Variants in C4orf54 observed in about 807,000 individuals in gnomAD.
C4orf54 encodes uncharacterized protein C4orf54.
A neutral mutation model predicts 80.1 loss-of-function variants in C4orf54; 67 were observed. The observed-to-expected ratio is 0.84, with a 90% CI of 0.69 to 1.03. The LOEUF is 1.03. Among genes scored for constraint, C4orf54 ranks in the 50% least tolerant of loss-of-function variants. The pLI, the probability that C4orf54 is intolerant of heterozygous loss-of-function variation, is 0.00. For missense variants in C4orf54, 2,434 were observed against 2,253.5 expected, an observed-to-expected ratio of 1.08 and a Z score of -1.62; for synonymous variants, 1,000 against 917.0, an observed-to-expected ratio of 1.09 and a Z score of -1.64.
intron 1 of C4orf54, among the ~76,000 whole-genome samples, 159 bp downstream of exon 1, chr4:99,657,336 G>A (rs1322761552): frequency 6.6e-6 from 1 of 152,212 alleles, no homozygotes; most frequent in Non-Finnish European, 1.5e-5. Context: ...CTACAAAATT[G>A]GAAGGTCATA....
chr4:99,642,942 C>T (rs761310368), intron 2 of C4orf54, among the ~76,000 whole-genome samples: 2 of 152,190 alleles, frequency 1.3e-5, no homozygotes, highest in African/African-American at 2.4e-5. Context: ...ACTAGAGTAC[C>T]CTGACACACA....
At chr4:99,647,770 T>A (rs927813074) in intron 2 of C4orf54, among the ~76,000 whole-genome samples, 2 of 152,222 alleles carry the variant, frequency 1.3e-5, no homozygotes, top group Non-Finnish European at 1.5e-5. Flanking sequence ...TGTTATATCA[T>A]CTGATATTTA....
intron 2 of C4orf54, among the ~76,000 whole-genome samples, chr4:99,646,037 T>A (rs80117413): frequency 6.2e-4 from 95 of 152,246 alleles, no homozygotes; most frequent in African/African-American, 2.2e-3. Context: ...ATTTTTTTTT[T>A]AATAAAGGAA....
At chr4:99,646,561 G>C (rs1325567162) in intron 2 of C4orf54, among the ~76,000 whole-genome samples, 1 of 152,116 alleles carries the variant, frequency 6.6e-6, no homozygotes, top group Non-Finnish European at 1.5e-5. Flanking sequence ...GGTCTGCAGG[G>C]AGCAAGGTGT....
Position 99,657,720 on chromosome 4 carries a change from T to A in C4orf54, c.-257A>T, listed in dbSNP as rs1332007169. ...AATAGAAAAACGATAAAGGCTAAAGTAAAACAATTAAGAACCCCAAACTGC... is the reference window on the plus strand; with the variant it reads ...AATAGAAAAACGATAAAGGCTAAAGAAAAACAATTAAGAACCCCAAACTGC... On this transcript the variant is annotated 5_prime_UTR_variant, in exon 1 of 3. Transcript: ENST00000511828. Among the ~76,000 whole-genome samples the A allele has an allele frequency of 2.0e-5, 3 of 152,140 alleles. No homozygotes were observed. In the East Asian group the frequency reaches 5.8e-4, roughly 29 times the overall value.
chr4:99,653,067 G>T lies in C4orf54; in HGVS notation c.1582C>A (p.Arg528=). 2 of 1,536,212 alleles carry T rather than the reference G, an allele frequency of 1.3e-6. No individual in the cohort carries two copies. The highest frequency in any genetic ancestry group is 1.7e-6 in the Non-Finnish European group (2 of 1,146,918). Residue 528 remains arginine (R), a synonymous_variant, in exon 2 of 3, where the codon CGG becomes AGG. Coordinates refer to ENST00000511828, the MANE Select transcript of C4orf54 (RefSeq NM_001354435.2). ...ACGTTGCTAGGCTCATTTATAGCCCGGGAAGCCGGTTTGATTGATAGGAGG... is the reference window on the plus strand; with the variant it reads ...ACGTTGCTAGGCTCATTTATAGCCCTGGAAGCCGGTTTGATTGATAGGAGG... The part of the protein sequence containing the change: ...QILLSIKPAS[R]AINEPSNVRA...
In C4orf54 at chr4:99,651,410, T is replaced by C; in HGVS notation, c.3239A>G (p.Asn1080Ser). 1 of 1,536,308 alleles carries C rather than the reference T, an allele frequency of 6.5e-7. No individual in the cohort carries two copies. The highest frequency in any genetic ancestry group is 8.7e-7 in the Non-Finnish European group (1 of 1,146,928). ...CTGGAAATGGGGCACTTTTTCTAGGTTGTCCCCGCGGAAGAGTTTCTGCTG... is the reference window on the plus strand; with the variant it reads ...CTGGAAATGGGGCACTTTTTCTAGGCTGTCCCCGCGGAAGAGTTTCTGCTG... ...RAQQKLFRGD[N>S]LEKVPHFQVR... The change falls in exon 2 of 3, where the codon AAC (asparagine) becomes AGC (serine). Residue 1080 changes from asparagine (N) to serine (S), a missense_variant. Asn to Ser is a conservative substitution (Grantham distance 46). Transcript: ENST00000511828.
At chr4:99,643,060 CCA>C (rs1275504463) in intron 2 of C4orf54, among the ~76,000 whole-genome samples, 2 of 152,178 alleles carry the variant, frequency 1.3e-5, no homozygotes, top group East Asian at 3.9e-4. Context: ...GGGCACAGGT[CCA>C]TGATGCTTAC....
chr4:99,652,328 C>T lies in C4orf54; in HGVS notation c.2321G>A (p.Gly774Asp). ...SAPGPGRATK[G>D]PGKGPGSAYT... ...TGCCGACCCGGGACCCTTGCCGGGG[C>T]CTTTGGTGGCCCTGCCGGGCCCAGG... The change falls in exon 2 of 3, where the codon GGC (glycine) becomes GAC (aspartate). Residue 774 changes from glycine to aspartate, a missense_variant. Coordinates refer to ENST00000511828, the MANE Select transcript of C4orf54 (RefSeq NM_001354435.2). The T allele has an allele frequency of 1.3e-6, 2 of 1,535,874 alleles. No homozygotes were observed. Among genetic ancestry groups the T allele is most frequent in the East Asian group, 2.4e-5 (1 of 40,900 alleles).
rs1189839365 is a variant in C4orf54 at position 99,651,533 on chromosome 4, G to T, written c.3116C>A (p.Pro1039Gln). Residue 1039 changes from proline (P) to glutamine (Q), a missense_variant, in exon 2 of 3, where the codon CCG (proline) becomes CAG (glutamine). Transcript: ENST00000511828. The stretch of plus-strand genomic sequence containing the variant: ...CTTGGCAATGTTGAAGTCTGAGCTC[G>T]GCTGCTGCACACTCCCCAGCCGGAT... ...IKIRLGSVQQ[P>Q]SSDFNIAKLL... The T allele has an allele frequency of 7.2e-6, 11 of 1,536,144 alleles. No individual in the cohort carries two copies. Among genetic ancestry groups the T allele is most frequent in the South Asian group, 2.4e-5 (2 of 84,032 alleles).
intron 2 of C4orf54, among the ~76,000 whole-genome samples, chr4:99,643,745 C>CAT: frequency 4.9e-5 from 3 of 61,378 alleles, no homozygotes; most frequent in South Asian, 1.7e-3. Context: ...CCACAACACA[C>CAT]ACACACACAC....
rs1303675272 is a variant in C4orf54, at chr4:99,637,063, C to A, written c.*4170G>T. The A allele has an allele frequency of 6.6e-6, 1 of 151,896 alleles. No individual in the cohort carries two copies. Among genetic ancestry groups the A allele is most frequent in the East Asian group, 1.9e-4 (1 of 5,178 alleles). The allele number at this position is 151,896 out of a possible 1,614,324, so 9.4% of individuals were successfully genotyped here. On this transcript the variant is annotated 3_prime_UTR_variant, in exon 3 of 3. Coordinates refer to ENST00000511828, the MANE Select transcript of C4orf54 (RefSeq NM_001354435.2). ...GTGTAAATACAGAAACACACGTCTT[C>A]AAAGTGGGGATAAAAAAAAGCATCA...
rs1172048281 is a variant in C4orf54 at position 99,652,451 on chromosome 4, G to T, written c.2198C>A (p.Thr733Lys). 4 of 1,536,038 alleles carry T rather than the reference G, an allele frequency of 2.6e-6. No individual in the cohort carries two copies. The East Asian group carries it at 9.8e-5, about 38-fold the overall frequency. ...GACCTGCTTCTGGAAACACAGGGGC[G>T]TCTCCACATGTTTGATTTCCCCCTC... ...KVEGEIKHVE[T>K]PLCFQKQVQT... The change falls in exon 2 of 3, where the codon ACG (threonine) becomes AAG (lysine). Residue 733 changes from threonine (T) to lysine (K), a missense_variant. Thr to Lys is a moderately conservative substitution (Grantham distance 78). Transcript: ENST00000511828.
At chr4:99,646,907 C>A (rs1726709479) in intron 2 of C4orf54, among the ~76,000 whole-genome samples, 1 of 152,098 alleles carries the variant, frequency 6.6e-6, no homozygotes, top group African/African-American at 2.4e-5. Flanking sequence ...TCTGGCTTTT[C>A]TTTGGAAGGT....
chr4:99,653,239 G>A lies in C4orf54; in HGVS notation c.1410C>T (p.Gly470=). The A allele has an allele frequency of 1.3e-6, 2 of 1,533,356 alleles. No individual in the cohort carries two copies. The highest frequency in any genetic ancestry group is 1.7e-6 in the Non-Finnish European group (2 of 1,144,978). The allele number at this position is 1,533,356 out of a possible 1,614,324, so 95.0% of individuals were successfully genotyped here. A position where few individuals can be genotyped will look rare whatever the true frequency, so the allele number is the denominator to read the frequency against. ...SGRDTSSTEV[G]SGPSDSGPTP... is the part of the protein sequence containing the mutation. ...TGGGGCCACTGTCAGAGGGGCCACT[G>A]CCCACTTCGGTGCTGCTGGTGTCGC... The change falls in exon 2 of 3, where the codon GGC becomes GGT. Residue 470 remains glycine (G), a synonymous_variant. Coordinates refer to ENST00000511828, the MANE Select transcript of C4orf54 (RefSeq NM_001354435.2).
Position 99,649,219 on chromosome 4 carries a change from A to G in C4orf54, c.*36+12T>C, listed in dbSNP as rs1182229395. ...TCTCTTAAACCTGATTATCAAAGTG[A>G]AATTCACTTACCAGCAGTTTTTCAT... On this transcript the variant is annotated intron_variant, in intron 2 of 2. Transcript: ENST00000511828. 1 of 1,454,596 alleles carries G rather than the reference A, an allele frequency of 6.9e-7. No individual in the cohort carries two copies. Among genetic ancestry groups the G allele is most frequent in the Admixed American group, 2.6e-5 (1 of 38,490 alleles). 90.1% of individuals were successfully genotyped at this position (1,454,596 alleles called of 1,614,324 possible). A position where few individuals can be genotyped will look rare whatever the true frequency, so the allele number is the denominator to read the frequency against.
Position 99,651,981 on chromosome 4 carries a change from C to T in C4orf54, c.2668G>A (p.Val890Met), listed in dbSNP as rs1017919803. 2 of 1,536,030 alleles carry T rather than the reference C, an allele frequency of 1.3e-6. No individual in the cohort carries two copies. The highest frequency in any genetic ancestry group is 1.7e-6 in the Non-Finnish European group (2 of 1,146,924). The change falls in exon 2 of 3, where the codon GTG (valine) becomes ATG (methionine). Residue 890 changes from valine (V) to methionine (M), a missense_variant. Transcript: ENST00000511828. ...SMSDAGGEGS[V>M]AGSKSPVFKA... ...AAGACTGGAGATTTGGAGCCCGCCA[C>T]GGACCCCTCCCCGCCCGCGTCGGAC...
In C4orf54 at chr4:99,650,410, G is replaced by A. The variant is rs537416531; in HGVS notation, c.4239C>T (p.Gly1413=). 1,395 of 1,535,970 alleles carry A rather than the reference G, an allele frequency of 9.1e-4. 1 individual carries two copies. The highest frequency in any genetic ancestry group is 1.2e-3 in the Non-Finnish European group (1,324 of 1,146,910). The change falls in exon 2 of 3, where the codon GGC becomes GGT. Residue 1413 remains glycine, a synonymous_variant. Transcript: ENST00000511828. ...CCGGAGAAGGCCCTTGTGGGAACTT[G>A]CCAGCGACACCCCCAGTTTTCTGGA... is the stretch of plus-strand genomic sequence containing the variant. ...SSIQKTGGVA[G]KFPQGPSPES...
Position 99,639,141 on chromosome 4 carries a change from C to A in C4orf54, c.*2092G>T, listed in dbSNP as rs1726561643. The stretch of plus-strand genomic sequence containing the variant: ...GAAGAGTTGGTGAGCAGTCACTACT[C>A]AACATGGCCACTGGTTTTTCCTGAA... On this transcript the variant is annotated 3_prime_UTR_variant, in exon 3 of 3. Transcript: ENST00000511828. The A allele has an allele frequency of 6.6e-6, 1 of 152,126 alleles. No individual in the cohort carries two copies. Among genetic ancestry groups the A allele is most frequent in the Non-Finnish European group, 1.5e-5 (1 of 68,002 alleles). 9.4% of individuals were successfully genotyped at this position (152,126 alleles called of 1,614,324 possible).
Sources: allele counts gnomAD v4.1 joint callset (sites outside exome capture counted in the v4.1 genomes callset), GRCh38; gene constraint gnomAD v4.1.1; transcripts MANE v1.5; gene names NCBI Gene and HGNC (gene_info 2026-07-23, HGNC 2026-07-21).